Variants in RLIM observed in about 807,000 individuals in gnomAD.
RLIM encodes the protein ring finger protein, LIM domain interacting.
Under a neutral mutation model 34.0 loss-of-function variants are expected in RLIM, and 2 were observed. The observed-to-expected ratio is 0.06, with a 90% CI of 0.02 to 0.19. The LOEUF is 0.19. Among genes scored for constraint, RLIM ranks in the 10% least tolerant of loss-of-function variants. The probability of loss-of-function intolerance (pLI) is 1.00; values close to 1 mark genes in which losing one functional copy is unlikely to be tolerated. For synonymous variants in RLIM, 169 were observed against 164.0 expected, an observed-to-expected ratio of 1.03 and a Z score of -0.23; for missense variants, 286 against 479.7, an observed-to-expected ratio of 0.60 and a Z score of 3.77.
chrX:74,597,048 C>G (rs1380455317), intron 1 of RLIM, among the ~76,000 whole-genome samples: 1 of 112,048 alleles, frequency 8.9e-6, no homozygotes, highest in African/African-American at 3.2e-5. Context: ...TCCCAATTCA[C>G]AGGAAAACTA....
Position 74,589,944 on chromosome X carries a change from C to CA in RLIM, c.*1495dup, listed in dbSNP as rs1429077729. 1 of 111,902 alleles carries CA rather than the reference C, an allele frequency of 8.9e-6. No individual in the cohort carries two copies. Among genetic ancestry groups the CA allele is most frequent in the East Asian group, 2.8e-4 (1 of 3,572 alleles). 9.2% of individuals were successfully genotyped at this position (111,902 alleles called of 1,213,427 possible). A position where few individuals can be genotyped will look rare whatever the true frequency, so the allele number is the denominator to read the frequency against. ...CAGCAGTCTCATTTTCATATATGGG[C>CA]AGCACAATTAAAATTTGAATTTCAA... On this transcript the variant is annotated 3_prime_UTR_variant, in exon 4 of 4. Transcript: ENST00000332687.
intron 1 of RLIM, among the ~76,000 whole-genome samples, chrX:74,609,902 T>G (rs2079701115): frequency 8.9e-6 from 1 of 111,965 alleles, no homozygotes; most frequent in Admixed American, 9.5e-5. Flanking sequence ...AGAAAAAAAT[T>G]TTAAACATCA....
chrX:74,597,157 G>T (rs1353267158), intron 1 of RLIM, among the ~76,000 whole-genome samples: 1 of 111,690 alleles, frequency 9.0e-6, no homozygotes, highest in Non-Finnish European at 1.9e-5. Flanking sequence ...TTTCCCAGGG[G>T]CTCATTTATT....
chrX:74,594,158 A>C (rs1255604668), intron 3 of RLIM, 148 bp downstream of exon 3: 2 of 361,357 alleles, frequency 5.5e-6, no homozygotes, highest in Non-Finnish European at 4.7e-6. Context: ...TCTAAGTATC[A>C]AGAAAATGTC....
In RLIM at chrX:74,586,684, C is replaced by G. The variant is rs2079588403; in HGVS notation, c.*4756G>C. ...GAGAAGTATCAGATAAATTTTAGAACTGTTCCAGTTAAGGAAAATAATTCT... is the reference window on the plus strand; with the variant it reads ...GAGAAGTATCAGATAAATTTTAGAAGTGTTCCAGTTAAGGAAAATAATTCT... On this transcript the variant is annotated 3_prime_UTR_variant, in exon 4 of 4. Coordinates refer to ENST00000332687, the MANE Select transcript of RLIM (RefSeq NM_016120.4). The G allele has an allele frequency of 8.9e-6, 1 of 112,540 alleles. No individual in the cohort carries two copies. 9.3% of individuals were successfully genotyped at this position (112,540 alleles called of 1,213,427 possible).
At chrX:74,598,611 T>C (rs981161053) in intron 1 of RLIM, among the ~76,000 whole-genome samples, 1 of 109,867 alleles carries the variant, frequency 9.1e-6, no homozygotes, top group East Asian at 2.9e-4. Context: ...ACCCCACCTG[T>C]ACTCAAAACA....
chrX:74,583,933 C>T lies in RLIM; in HGVS notation c.*7507G>A, dbSNP rs1460328917. On this transcript the variant is annotated 3_prime_UTR_variant, in exon 4 of 4. Transcript: ENST00000332687. ...TGGTGGCGGGCGCCTGTAATCCCAG[C>T]TACTCGGGAGGCTGAGGCAGGAGAA... 1.8e-5 allele frequency among the ~76,000 whole-genome samples: 2 copies of T among 110,952 alleles called. No individual in the cohort carries two copies. The highest frequency in any genetic ancestry group is 9.6e-5 in the Admixed American group (1 of 10,380).
intron 1 of RLIM, among the ~76,000 whole-genome samples, chrX:74,602,258 C>T (rs1270515379): frequency 9.0e-6 from 1 of 111,544 alleles, no homozygotes; most frequent in Admixed American, 9.6e-5. Context: ...AGTACACAGT[C>T]GGGGAAGAAC....
At position 74,591,485 on chromosome X, in the gene RLIM, A is replaced by G. The variant is rs145110313; in HGVS notation, c.1830T>C (p.Cys610=). ...WLSENSTCPI[C]RRAVLASGNR... Reference sequence around the variant, plus strand: ...TACCAGAAGCTAAGACTGCTCTGCGACAAATAGGACAGGTAGAATTCTCAG... The same window carrying G: ...TACCAGAAGCTAAGACTGCTCTGCGGCAAATAGGACAGGTAGAATTCTCAG... The change falls in exon 4 of 4, where the codon TGT becomes TGC. Residue 610 remains cysteine, a synonymous_variant. Transcript: ENST00000332687. 3.4e-4 allele frequency: 408 copies of G among 1,209,540 alleles called. No homozygotes were observed. Among genetic ancestry groups the G allele is most frequent in the Non-Finnish European group, 4.5e-4 (399 of 894,285 alleles).
chrX:74,593,371 G>GT (rs2079625305), intron 3 of RLIM, among the ~76,000 whole-genome samples: 1 of 112,131 alleles, frequency 8.9e-6, no homozygotes, highest in Non-Finnish European at 1.9e-5. Flanking sequence ...GTCAGAAGAC[G>GT]TTTTTTCAGT....
At chrX:74,603,324 C>T (rs1394381563) in intron 1 of RLIM, among the ~76,000 whole-genome samples, 1 of 110,203 alleles carries the variant, frequency 9.1e-6, no homozygotes. Context: ...TGCTATTCCC[C>T]TCAGTCCCCT....
intron 1 of RLIM, among the ~76,000 whole-genome samples, chrX:74,604,768 C>G (rs911257711): frequency 9.0e-6 from 1 of 111,096 alleles, no homozygotes; most frequent in African/African-American, 3.3e-5. Context: ...AGCTTGGATT[C>G]CGTTCCATGA....
Position 74,587,570 on chromosome X carries a change from TAAC to T in RLIM, c.*3867_*3869del, listed in dbSNP as rs2079593534. 1.8e-5 allele frequency: 2 copies of T among 111,667 alleles called. No individual in the cohort carries two copies. The highest frequency in any genetic ancestry group is 3.8e-5 in the Non-Finnish European group (2 of 53,119). The allele number at this position is 111,667 out of a possible 1,213,427, so 9.2% of individuals were successfully genotyped here. A position where few individuals can be genotyped will look rare whatever the true frequency, so the allele number is the denominator to read the frequency against. On this transcript the variant is annotated 3_prime_UTR_variant, in exon 4 of 4. Coordinates refer to ENST00000332687, the MANE Select transcript of RLIM (RefSeq NM_016120.4). Reference sequence around the variant, plus strand: ...TCTCCATCTTTAAAAGAAAAAATATTAACAACCATAAGGTGCCACTGTATTTTA... The same window carrying T: ...TCTCCATCTTTAAAAGAAAAAATATTAACCATAAGGTGCCACTGTATTTTA...
intron 1 of RLIM, among the ~76,000 whole-genome samples, chrX:74,604,821 G>C (rs1228127488): frequency 9.0e-6 from 1 of 111,101 alleles, no homozygotes; most frequent in East Asian, 2.8e-4. Flanking sequence ...ATTTTAATGA[G>C]ACACACTCAT....
chrX:74,608,415 AT>A (rs2079692070), intron 1 of RLIM, among the ~76,000 whole-genome samples: 1 of 106,034 alleles, frequency 9.4e-6, no homozygotes, highest in Admixed American at 1.0e-4. Flanking sequence ...GAAAAGAAAT[AT>A]AAAGCATTCC....
chrX:74,606,745 A>G (rs943814177), intron 1 of RLIM, among the ~76,000 whole-genome samples: 4 of 111,814 alleles, frequency 3.6e-5, no homozygotes, highest in African/African-American at 1.3e-4. Flanking sequence ...GCATCCAAAA[A>G]TACTGTTAAT....
chrX:74,603,285 C>T (rs954316971), intron 1 of RLIM, among the ~76,000 whole-genome samples: 1 of 110,327 alleles, frequency 9.1e-6, no homozygotes, highest in African/African-American at 3.3e-5. Context: ...CCCCAACATA[C>T]CTTGTGCTTT....
chrX:74,598,843 C>G (rs935798981), intron 1 of RLIM, among the ~76,000 whole-genome samples: 2 of 110,029 alleles, frequency 1.8e-5, no homozygotes, highest in African/African-American at 6.6e-5. Flanking sequence ...AAATCATACA[C>G]TTGTGGATTG....
rs1463238258 is a variant in RLIM at position 74,587,370 on chromosome X, A to G, written c.*4070T>C. 2.7e-5 allele frequency: 3 copies of G among 111,617 alleles called. No individual in the cohort carries two copies. The highest frequency in any genetic ancestry group is 9.8e-5 in the African/African-American group (3 of 30,707). The allele number at this position is 111,617 out of a possible 1,213,427, so 9.2% of individuals were successfully genotyped here. ...AGAAAGTAACAATTAGCATAGTCTT[A>G]TAAGACTAGGAGAATAAAAGTGCCC... On this transcript the variant is annotated 3_prime_UTR_variant, in exon 4 of 4. Transcript: ENST00000332687.
Sources: allele counts gnomAD v4.1 joint callset (sites outside exome capture counted in the v4.1 genomes callset), GRCh38; gene constraint gnomAD v4.1.1; transcripts MANE v1.5; gene names NCBI Gene and HGNC (gene_info 2026-07-23, HGNC 2026-07-21).